COMMD4: variants seen among roughly 807,000 people sequenced by gnomAD.
The protein encoded by COMMD4 is COMM domain-containing protein 4.
In COMMD4, 18 loss-of-function variants were observed where a neutral mutation model predicts 27.5. The ratio of observed to expected loss-of-function variants is 0.65; its 90% CI spans 0.45 to 0.97. The LOEUF is 0.97. COMMD4 is among the 50% of genes least tolerant of loss of function. The pLI, the probability that COMMD4 is intolerant of heterozygous loss-of-function variation, is 0.00. For missense variants in COMMD4, 243 were observed against 250.0 expected (o/e 0.97, Z 0.19); for synonymous variants, 108 against 108.4 (o/e 1.00, Z 0.02).
chr15:75,338,612 C>A, intron 3 of COMMD4, 34 bp from the exon 4 acceptor site: 2 of 1,611,010 alleles, frequency 1.2e-6, no homozygotes, highest in Admixed American at 1.7e-5. Flanking sequence ...TGAGCAGGGG[C>A]CTGGCACCCC....
chr15:75,342,610 G>A (rs2071436778), downstream of COMMD4: 1 of 152,184 alleles, frequency 6.6e-6, no homozygotes, highest in Non-Finnish European at 1.5e-5. Flanking sequence ...AGAGAGGGTG[G>A]GTTGTGGGGA....
Position 75,336,277 on chromosome 15 carries a change from G to T in COMMD4, c.3+185G>T, listed in dbSNP as rs527848455. Reference sequence around the variant, plus strand: ...TCCCGCTCCCGAGACGGGGGCGGGGGTACGGGGCGGGTAAGACAGAGCAGG... The same window carrying T: ...TCCCGCTCCCGAGACGGGGGCGGGGTTACGGGGCGGGTAAGACAGAGCAGG... On this transcript the variant is annotated intron_variant, in intron 1 of 7. Coordinates refer to ENST00000267935, the MANE Select transcript of COMMD4 (RefSeq NM_017828.5). 26 of 1,494,826 alleles carry T rather than the reference G, an allele frequency of 1.7e-5. No individual in the cohort carries two copies. In the Admixed American group the frequency reaches 3.9e-4, roughly 23 times the overall value. The allele number at this position is 1,494,826 out of a possible 1,614,324, so 92.6% of individuals were successfully genotyped here.
chr15:75,340,282 G>GTATAAA (rs1426289530), downstream of COMMD4: 35 of 491,560 alleles, frequency 7.1e-5, no homozygotes, highest in African/African-American at 6.7e-4. Flanking sequence ...AATGTGTGCA[G>GTATAAA]GGGGTTCTGT....
rs749756222 is a variant in COMMD4 at position 75,338,698 on chromosome 15, C to T, written c.181+13C>T. 6.2e-7 allele frequency: 1 copy of T among 1,612,918 alleles called. No individual in the cohort carries two copies. Among genetic ancestry groups the T allele is most frequent in the Non-Finnish European group, 8.5e-7 (1 of 1,179,470 alleles). ...GACGCCAAGTTTGGTGAGTATCCCG[C>T]TGAGTCTATAGGCCCCAGGCAACCC... On this transcript the variant is annotated intron_variant, in intron 4 of 7. Transcript: ENST00000267935.
In COMMD4 at chr15:75,339,255, T is replaced by A. The variant is rs1228604408; in HGVS notation, c.302-9T>A. Reference sequence around the variant, plus strand: ...TGCTACCTCCAGAGCTACTCCATTCTACCCCCAGAGCACGCGGCCAGCCTG... The same window carrying A: ...TGCTACCTCCAGAGCTACTCCATTCAACCCCCAGAGCACGCGGCCAGCCTG... On this transcript the variant is annotated splice_polypyrimidine_tract_variant and intron_variant, in intron 5 of 7. Transcript: ENST00000267935. The A allele has an allele frequency of 6.2e-7, 1 of 1,612,232 alleles. No individual in the cohort carries two copies.
rs778220788 is a variant in COMMD4, at chr15:75,338,047, C to T, written c.4-15C>T. On this transcript the variant is annotated splice_polypyrimidine_tract_variant and intron_variant, in intron 1 of 7. Coordinates refer to ENST00000267935, the MANE Select transcript of COMMD4 (RefSeq NM_017828.5). The stretch of plus-strand genomic sequence containing the variant: ...GCCTCCCTCCAGCCTGATTACCTGC[C>T]TCCCTCCCTTGCAGAGGTTCCGGTT... 7 of 1,600,088 alleles carry T rather than the reference C, an allele frequency of 4.4e-6. No individual in the cohort carries two copies. The highest frequency in any genetic ancestry group is 1.1e-5 in the South Asian group (1 of 88,320).
At chr15:75,341,920 C>T (rs775996581), downstream of COMMD4, 2 of 151,488 alleles carry the variant, frequency 1.3e-5, no homozygotes, top group Non-Finnish European at 2.9e-5. Context: ...AAAAATTAGC[C>T]GATCATGGTG....
intron 1 of COMMD4, 86 bp downstream of exon 1, chr15:75,336,178 G>C (rs773847543): frequency 1.3e-6 from 2 of 1,549,362 alleles, no homozygotes; most frequent in South Asian, 2.4e-5. Context: ...GGGGGAGGTT[G>C]TACTGGCCTC....
chr15:75,338,037 G>C, intron 1 of COMMD4, 25 bp from the exon 2 acceptor site: 1 of 1,593,612 alleles, frequency 6.3e-7, no homozygotes, highest in Non-Finnish European at 8.5e-7. Context: ...CCTCCAGCCT[G>C]ATTACCTGCC....
chr15:75,337,902 T>A, intron 1 of COMMD4, 160 bp from the exon 2 acceptor site: 1 of 708,494 alleles, frequency 1.4e-6, no homozygotes, highest in Non-Finnish European at 2.4e-6. Flanking sequence ...GGAGAGAGTT[T>A]ACTCAACAGC....
Position 75,339,984 on chromosome 15 carries a change from C to G in COMMD4, c.579C>G (p.Thr193=), listed in dbSNP as rs1418132548. 2.5e-6 allele frequency: 4 copies of G among 1,614,008 alleles called. No homozygotes were observed. In the African/African-American group the frequency reaches 4.0e-5, roughly 16 times the overall value. ...VLLAELKQAQ[T]LMSSLG Reference sequence around the variant, plus strand: ...CTGCAGAACTGAAGCAGGCCCAGACCCTGATGAGCTCCCTGGGCTGAGGAG... The same window carrying G: ...CTGCAGAACTGAAGCAGGCCCAGACGCTGATGAGCTCCCTGGGCTGAGGAG... Residue 193 remains threonine, a synonymous_variant, in exon 8 of 8, where the codon ACC becomes ACG. Transcript: ENST00000267935.
At chr15:75,336,312 T>C in intron 1 of COMMD4, 1 of 1,417,966 alleles carries the variant, frequency 7.1e-7, no homozygotes, top group African/African-American at 1.4e-5. Context: ...GCCGGCCGGC[T>C]TAGAGTCCCG....
Position 75,338,148 on chromosome 15 carries a change from G to T in COMMD4, c.75+15G>T, listed in dbSNP as rs761477734. On this transcript the variant is annotated intron_variant, in intron 2 of 7. Coordinates refer to ENST00000267935, the MANE Select transcript of COMMD4 (RefSeq NM_017828.5). Reference sequence around the variant, plus strand: ...TGGCCAAGATGGTTGAGTGCACAGGGTCTAGTCTGGGTGGAGGAGGGGTGT... The same window carrying T: ...TGGCCAAGATGGTTGAGTGCACAGGTTCTAGTCTGGGTGGAGGAGGGGTGT... The T allele has an allele frequency of 3.8e-6, 6 of 1,591,592 alleles. No individual in the cohort carries two copies. The highest frequency in any genetic ancestry group is 5.1e-6 in the Non-Finnish European group (6 of 1,168,584).
rs772200185 is a variant in COMMD4, at chr15:75,338,668, C to T, written c.164C>T (p.Thr55Met). 19 of 1,613,806 alleles carry T rather than the reference C, an allele frequency of 1.2e-5. No individual in the cohort carries two copies. The highest frequency in any genetic ancestry group is 3.3e-5 in the Admixed American group (2 of 59,986). Reference sequence around the variant, plus strand: ...TAGTATGAGAAGATCCTGAAGCTCACGGCTGACGCCAAGTTTGGTGAGTAT... The same window carrying T: ...TAGTATGAGAAGATCCTGAAGCTCATGGCTGACGCCAAGTTTGGTGAGTAT... ...GIDYEKILKL[T>M]ADAKFESGDV... Residue 55 changes from threonine to methionine, a missense_variant, in exon 4 of 8, where the codon ACG becomes ATG. Coordinates refer to ENST00000267935, the MANE Select transcript of COMMD4 (RefSeq NM_017828.5).
At chr15:75,338,756 G>C (rs531611230) in intron 4 of COMMD4, 71 bp downstream of exon 4, 19 of 1,536,504 alleles carry the variant, frequency 1.2e-5, no homozygotes, top group Non-Finnish European at 1.6e-5. Flanking sequence ...GTACAGAGGG[G>C]CCCCCCACCC....
rs2071384341 is a variant in COMMD4, at chr15:75,339,782, G to C, written c.463G>C (p.Val155Leu). The C allele has an allele frequency of 1.9e-6, 3 of 1,614,020 alleles. No individual in the cohort carries two copies. The East Asian group carries it at 6.7e-5, about 36-fold the overall frequency. ...SLLQSVEEPM[V>L]HLRLEVAAAP... The stretch of plus-strand genomic sequence containing the variant: ...GCTGCAATCCGTGGAAGAGCCCATG[G>C]TGCACCTGCGGCTGGAGGTGGCAGC... The change falls in exon 7 of 8, where the codon GTG (valine) becomes CTG (leucine). Residue 155 changes from valine to leucine, a missense_variant. By Grantham distance (32) the Val-to-Leu change is conservative. Transcript: ENST00000267935.
intron 1 of COMMD4, 61 bp downstream of exon 1, chr15:75,336,153 G>A: frequency 6.5e-7 from 1 of 1,549,688 alleles, no homozygotes; most frequent in South Asian, 1.2e-5. Context: ...GGGGCGCCAA[G>A]TGGCTCCGGA....
chr15:75,336,105 G>A lies in COMMD4; in HGVS notation c.3+13G>A. 1.3e-6 allele frequency: 2 copies of A among 1,549,828 alleles called. No individual in the cohort carries two copies. The highest frequency in any genetic ancestry group is 1.7e-6 in the Non-Finnish European group (2 of 1,146,828). On this transcript the variant is annotated intron_variant, in intron 1 of 7. Coordinates refer to ENST00000267935, the MANE Select transcript of COMMD4 (RefSeq NM_017828.5). The stretch of plus-strand genomic sequence containing the variant: ...TCTTGGCGCGATGGTGAGGCACTAG[G>A]GGCGAAGCGAGGCTTGGGCTGCTGG...
chr15:75,341,283 C>G (rs1019725665), downstream of COMMD4: 2 of 152,414 alleles, frequency 1.3e-5, no homozygotes, highest in African/African-American at 2.4e-5. Flanking sequence ...GCTTCCAGGA[C>G]TGGCCCAGAC....
Sources: gnomAD v4.1 joint callset for allele counts on GRCh38, gnomAD v4.1.1 for gene constraint, MANE v1.5 for transcripts, NCBI Gene and HGNC (gene_info 2026-07-23, HGNC 2026-07-21) for gene names.